The following ETS1 variants were observed in gnomAD, a reference collection of about 807,000 sequenced individuals.
ETS1 encodes ETS proto-oncogene 1, transcription factor, also known as protein C-ets-1.
In ETS1, 15 loss-of-function variants were observed where a neutral mutation model predicts 58.6. That is an observed-to-expected ratio of 0.26 (90% CI 0.17 to 0.39). The LOEUF (loss-of-function observed/expected upper bound fraction) is 0.39. Among genes scored for constraint, ETS1 ranks in the 10% least tolerant of loss-of-function variants. The pLI, the probability that ETS1 is intolerant of heterozygous loss-of-function variation, is 1.00. For synonymous variants in ETS1, 214 were observed against 218.2 expected (o/e 0.98, Z 0.17); for missense variants, 417 against 610.5 (o/e 0.68, Z 3.34).
chr11:128,565,594 G>T (rs1238163025), intron 2 of ETS1, among the ~76,000 whole-genome samples: 1 of 152,188 alleles, frequency 6.6e-6, no homozygotes, highest in Admixed American at 6.5e-5. Context: ...TCTAGCTTGT[G>T]ATGATTGAAC....
chr11:128,584,190 A>G (rs528773224), intron 1 of ETS1, among the ~76,000 whole-genome samples: 3 of 152,200 alleles, frequency 2.0e-5, no homozygotes, highest in South Asian at 2.1e-4. Flanking sequence ...GTCTTTCTTC[A>G]AAGTCAGTAT....
At chr11:128,547,606 A>C (rs1409841618) in intron 3 of ETS1, among the ~76,000 whole-genome samples, 1 of 151,972 alleles carries the variant, frequency 6.6e-6, no homozygotes. Context: ...AAGACTGATG[A>C]CACAACTTTG....
At chr11:128,565,830 A>C (rs896297461) in intron 2 of ETS1, among the ~76,000 whole-genome samples, 1 of 152,186 alleles carries the variant, frequency 6.6e-6, no homozygotes, top group Non-Finnish European at 1.5e-5. Context: ...GGATTCCCAG[A>C]GAGAAGGAAA....
At chr11:128,542,634 A>T (rs1306761727) in intron 3 of ETS1, among the ~76,000 whole-genome samples, 2 of 152,206 alleles carry the variant, frequency 1.3e-5, no homozygotes, top group African/African-American at 4.8e-5. Flanking sequence ...GGTGATTGGT[A>T]GCTGATAGTG....
intron 2 of ETS1, among the ~76,000 whole-genome samples, chr11:128,570,301 A>C (rs903983927): frequency 6.7e-6 from 1 of 149,762 alleles, no homozygotes; most frequent in African/African-American, 2.5e-5. Context: ...GCAATGGCAC[A>C]ATTTCAGCTC....
At chr11:128,462,685 G>A (rs577088297) in intron 9 of ETS1, 109 bp from the exon 10 acceptor site, 7 of 761,946 alleles carry the variant, frequency 9.2e-6, no homozygotes, top group African/African-American at 7.0e-5. Flanking sequence ...GACCCATGAT[G>A]CTCAAGTAAG....
At chr11:128,499,002 T>G (rs1162121870) in intron 3 of ETS1, among the ~76,000 whole-genome samples, 1 of 152,132 alleles carries the variant, frequency 6.6e-6, no homozygotes, top group Non-Finnish European at 1.5e-5. Context: ...AAAGAATGAG[T>G]TGGGCTCTTT....
At chr11:128,548,829 A>T (rs1209031930) in intron 3 of ETS1, among the ~76,000 whole-genome samples, 1 of 152,240 alleles carries the variant, frequency 6.6e-6, no homozygotes, top group East Asian at 1.9e-4. Context: ...CTGCGGAGCA[A>T]TGATTTCTGT....
intron 3 of ETS1, among the ~76,000 whole-genome samples, chr11:128,501,184 C>T (rs971493599): frequency 7.9e-5 from 12 of 152,158 alleles, no homozygotes; most frequent in Admixed American, 5.2e-4. Context: ...CCACTCCCCT[C>T]GCTCCACCTA....
intron 8 of ETS1, among the ~76,000 whole-genome samples, chr11:128,467,872 G>A (rs1258263378): frequency 1.3e-5 from 2 of 151,982 alleles, no homozygotes; most frequent in East Asian, 1.9e-4. Flanking sequence ...AGAGCCATGC[G>A]GGCGGGAGAG....
Position 128,516,671 on chromosome 11 carries a change from C to T in ETS1, c.215-26095G>A, listed in dbSNP as rs1488977067. On this transcript the variant is annotated intron_variant, in intron 3 of 9. Transcript: ENST00000392668. The stretch of plus-strand genomic sequence containing the variant: ...GTAGACACCTGGGGCTGTCTTGTGC[C>T]AGGACAACTCCAGACCATGTGCCCT... 3.9e-5 allele frequency among the ~76,000 whole-genome samples: 6 copies of T among 152,178 alleles called. No homozygotes were observed. In the East Asian group the frequency reaches 1.2e-3, roughly 29 times the overall value.
At chr11:128,571,945 G>T (rs1296734586) in intron 2 of ETS1, 4 of 151,962 alleles carry the variant, frequency 2.6e-5, no homozygotes, top group Non-Finnish European at 4.4e-5. Flanking sequence ...TCGGGAGGCT[G>T]AGGCAGGAGA....
chr11:128,499,773 G>A (rs1255472534), intron 3 of ETS1, among the ~76,000 whole-genome samples: 1 of 152,144 alleles, frequency 6.6e-6, no homozygotes, highest in Non-Finnish European at 1.5e-5. Flanking sequence ...CCTCGGCTCG[G>A]GGCCCACTTG....
intron 8 of ETS1, among the ~76,000 whole-genome samples, chr11:128,479,294 A>T (rs902007407): frequency 3.9e-5 from 6 of 152,232 alleles, no homozygotes; most frequent in Non-Finnish European, 8.8e-5. Flanking sequence ...GAATTATAAG[A>T]GAATAAAGGC....
chr11:128,577,669 C>G (rs1385755595), intron 1 of ETS1, among the ~76,000 whole-genome samples: 1 of 152,182 alleles, frequency 6.6e-6, no homozygotes, highest in Non-Finnish European at 1.5e-5. Context: ...TGAGACCAGA[C>G]TCCTGGTCTT....
At chr11:128,484,392 A>G (rs1040167436) in intron 7 of ETS1, among the ~76,000 whole-genome samples, 6 of 152,164 alleles carry the variant, frequency 3.9e-5, no homozygotes, top group African/African-American at 1.2e-4. Context: ...TAGGATCTAC[A>G]GTCAGACCCA....
chr11:128,548,482 G>C (rs1326512096), intron 3 of ETS1, among the ~76,000 whole-genome samples: 2 of 152,174 alleles, frequency 1.3e-5, no homozygotes, highest in Non-Finnish European at 2.9e-5. Flanking sequence ...GCCCCAAACA[G>C]CCCTACCCAG....
intron 8 of ETS1, among the ~76,000 whole-genome samples, chr11:128,473,222 C>T (rs557344676): frequency 6.6e-6 from 1 of 152,250 alleles, no homozygotes; most frequent in Admixed American, 6.5e-5. Flanking sequence ...CCTGCTACGC[C>T]CCATGACACT....
At chr11:128,483,214 T>A (rs567283688) in intron 7 of ETS1, among the ~76,000 whole-genome samples, 2 of 152,210 alleles carry the variant, frequency 1.3e-5, no homozygotes, top group East Asian at 3.9e-4. Context: ...CTTGTAAGGG[T>A]CACTTTTGGT....
Sources: allele counts gnomAD v4.1 joint callset (sites outside exome capture counted in the v4.1 genomes callset), GRCh38; gene constraint gnomAD v4.1.1; transcripts MANE v1.5; gene names NCBI Gene and HGNC (gene_info 2026-07-23, HGNC 2026-07-21).